Variants in STK24 observed in about 807,000 individuals in gnomAD.
STK24 encodes serine/threonine-protein kinase 24.
STK24 carries 21 observed loss-of-function variants against 55.6 expected under a neutral mutation model. The observed-to-expected ratio is 0.38, with a 90% CI of 0.27 to 0.54. STK24 has a LOEUF of 0.54. STK24 is among the 20% of genes least tolerant of loss of function. STK24 has a pLI of 0.79. For missense variants in STK24, 383 were observed against 538.4 expected, an observed-to-expected ratio of 0.71 and a Z score of 2.86; for synonymous variants, 200 against 215.2, an observed-to-expected ratio of 0.93 and a Z score of 0.62.
At chr13:98,457,749 C>T (rs1328772029) in intron 9 of STK24, among the ~76,000 whole-genome samples, 4 of 152,156 alleles carry the variant, frequency 2.6e-5, no homozygotes, top group African/African-American at 7.2e-5. Flanking sequence ...GGATTACAGG[C>T]GTGAGCCACT....
At chr13:98,499,276 T>C (rs1370207093) in intron 2 of STK24, among the ~76,000 whole-genome samples, 3 of 151,422 alleles carry the variant, frequency 2.0e-5, no homozygotes, top group Admixed American at 6.6e-5. Context: ...CCTAATGTTC[T>C]CCACACATTC....
intron 2 of STK24, among the ~76,000 whole-genome samples, chr13:98,487,483 G>C (rs1274189148): frequency 1.3e-5 from 2 of 151,962 alleles, no homozygotes; most frequent in Admixed American, 6.6e-5. Context: ...CTCCCACCCT[G>C]GGCCCCCATT....
At chr13:98,456,620 C>A in intron 10 of STK24, 1 of 465,926 alleles carries the variant, frequency 2.1e-6, no homozygotes, top group Non-Finnish European at 4.4e-6. Context: ...AGTCCTCACC[C>A]ATAGTGCATT....
In STK24 at chr13:98,569,546, C is replaced by T. The variant is rs373726011; in HGVS notation, c.42+7199G>A. On this transcript the variant is annotated intron_variant, in intron 1 of 10. Transcript: ENST00000539966. ...AGAAGCATAGAAGATACGCAGGTGA[C>T]GAAAGGCACAGGTGCCACCCGAACT... is the stretch of plus-strand genomic sequence containing the variant. Among the ~76,000 whole-genome samples the T allele has an allele frequency of 4.6e-5, 7 of 152,182 alleles. No individual in the cohort carries two copies. The East Asian group carries it at 5.8e-4, about 13-fold the overall frequency.
chr13:98,569,876 A>T (rs1171653145), intron 1 of STK24, among the ~76,000 whole-genome samples: 2 of 146,670 alleles, frequency 1.4e-5, no homozygotes, highest in East Asian at 1.9e-4. Flanking sequence ...CACAGGCAGA[A>T]ATTTTTTTTT....
At chr13:98,475,723 A>G (rs1894345001) in intron 3 of STK24, among the ~76,000 whole-genome samples, 1 of 152,216 alleles carries the variant, frequency 6.6e-6, no homozygotes, top group African/African-American at 2.4e-5. Context: ...CTGCGCCTGC[A>G]GCTGACCTCA....
intron 1 of STK24, among the ~76,000 whole-genome samples, chr13:98,570,174 C>T (rs562430596): frequency 1.3e-5 from 2 of 152,226 alleles, no homozygotes; most frequent in South Asian, 2.1e-4. Context: ...CCACCGCCCC[C>T]GGTCAATTTT....
At chr13:98,515,601 G>C (rs1429703740) in intron 2 of STK24, among the ~76,000 whole-genome samples, 2 of 152,114 alleles carry the variant, frequency 1.3e-5, no homozygotes, top group African/African-American at 4.8e-5. Flanking sequence ...GAAAAAAAAT[G>C]CTACAAAGCA....
chr13:98,457,969 A>G (rs1036631434), intron 9 of STK24, among the ~76,000 whole-genome samples: 1 of 152,158 alleles, frequency 6.6e-6, no homozygotes, highest in Non-Finnish European at 1.5e-5. Flanking sequence ...TGTACCAGAA[A>G]AGCAATTTCA....
intron 2 of STK24, among the ~76,000 whole-genome samples, chr13:98,504,232 AAC>A (rs1895599882): frequency 6.6e-6 from 1 of 152,320 alleles, no homozygotes; most frequent in African/African-American, 2.4e-5. Context: ...TAAAACAACA[AAC>A]ACACACTTGT....
intron 2 of STK24, among the ~76,000 whole-genome samples, chr13:98,495,879 C>T (rs1895235659): frequency 6.6e-6 from 1 of 152,190 alleles, no homozygotes; most frequent in African/African-American, 2.4e-5. Flanking sequence ...TTTGCTTTTA[C>T]CCACTACAGT....
At chr13:98,491,329 C>T (rs571788280) in intron 2 of STK24, among the ~76,000 whole-genome samples, 7 of 152,242 alleles carry the variant, frequency 4.6e-5, no homozygotes, top group Admixed American at 1.3e-4. Flanking sequence ...GGAAAAGGAG[C>T]GGGGAGGGAG....
intron 1 of STK24, among the ~76,000 whole-genome samples, chr13:98,531,220 TTTA>T (rs1218509698): frequency 1.3e-5 from 2 of 152,242 alleles, no homozygotes; most frequent in Non-Finnish European, 2.9e-5. Flanking sequence ...AAGCTCACTC[TTTA>T]TCAGTCTTTC....
intron 1 of STK24, among the ~76,000 whole-genome samples, chr13:98,526,595 A>C (rs1648690711): frequency 6.6e-6 from 1 of 152,220 alleles, no homozygotes; most frequent in African/African-American, 2.4e-5. Flanking sequence ...CATTAGAAAC[A>C]AAAAAGCAAA....
rs1348117880 is a variant in STK24, at chr13:98,535,370, A to ATAT, written c.43-15898_43-15897insATA. Among the ~76,000 whole-genome samples the ATAT allele has an allele frequency of 6.4e-3, 358 of 55,946 alleles. 5 individuals carry two copies. Among genetic ancestry groups the ATAT allele is most frequent in the East Asian group, 0.047 (111 of 2,356 alleles). The allele number at this position is 55,946 out of a possible 152,430, so 36.7% of individuals were successfully genotyped here. ...CAAACAAACAAACAAACAAAAAAAA[A>ATAT]ATATATATATATATATATATGTGTG... is the stretch of plus-strand genomic sequence containing the variant. On this transcript the variant is annotated intron_variant, in intron 1 of 10. Coordinates refer to ENST00000539966, the MANE Select transcript of STK24 (RefSeq NM_001032296.4).
At chr13:98,572,593 T>C (rs1897770671) in intron 1 of STK24, among the ~76,000 whole-genome samples, 1 of 152,182 alleles carries the variant, frequency 6.6e-6, no homozygotes, top group African/African-American at 2.4e-5. Flanking sequence ...GCTCCCCATG[T>C]TCCCAGACTG....
intron 1 of STK24, among the ~76,000 whole-genome samples, chr13:98,525,139 C>A (rs754970036): frequency 3.9e-5 from 6 of 152,244 alleles, no homozygotes; most frequent in Non-Finnish European, 7.3e-5. Flanking sequence ...GCCAAAGAGG[C>A]CCTCTTTCAA....
chr13:98,516,651 C>A (rs1896071327), intron 2 of STK24, among the ~76,000 whole-genome samples: 1 of 152,210 alleles, frequency 6.6e-6, no homozygotes, highest in Admixed American at 6.5e-5. Context: ...GCCTCCATTT[C>A]TCCCCCAACG....
chr13:98,534,588 C>G (rs868011266), intron 1 of STK24, among the ~76,000 whole-genome samples: 3 of 152,166 alleles, frequency 2.0e-5, no homozygotes, highest in Admixed American at 6.5e-5. Context: ...CCCAAAACTG[C>G]TCCTGGGGAT....
Sources: gnomAD v4.1 joint callset for allele counts (sites outside exome capture counted in the v4.1 genomes callset) on GRCh38, gnomAD v4.1.1 for gene constraint, MANE v1.5 for transcripts, NCBI Gene and HGNC (gene_info 2026-07-23, HGNC 2026-07-21) for gene names.